Variants in MEI4 observed in about 807,000 individuals in gnomAD.
MEI4 encodes meiosis-specific protein MEI4.
In MEI4, 27 loss-of-function variants were observed where a neutral mutation model predicts 31.4. The observed-to-expected ratio is 0.86, with a 90% CI of 0.63 to 1.19. MEI4 has a LOEUF of 1.19. MEI4 is among the 50% of genes most tolerant of loss of function. The pLI is 0.00. For synonymous variants in MEI4, 122 were observed against 145.4 expected (o/e 0.84, Z 1.16); for missense variants, 329 against 398.9 (o/e 0.82, Z 1.49).
Position 77,924,085 on chromosome 6 carries a change from A to G in MEI4, c.*739A>G, listed in dbSNP as rs1286901076. On this transcript the variant is annotated 3_prime_UTR_variant, in exon 5 of 5. Coordinates refer to ENST00000684080, the MANE Select transcript of MEI4 (RefSeq NM_001322247.2). ...CACTAGACATATTTTATAAATTCTA[A>G]TATCCATCTAAAAGTGAAATTTATA... 6.6e-6 allele frequency: 1 copy of G among 151,804 alleles called. No individual in the cohort carries two copies. Among genetic ancestry groups the G allele is most frequent in the Non-Finnish European group, 1.5e-5 (1 of 67,846 alleles). The allele number at this position is 151,804 out of a possible 1,614,324, so 9.4% of individuals were successfully genotyped here.
chr6:77,879,004 AT>A (rs1336528268), intron 4 of MEI4, among the ~76,000 whole-genome samples: 3 of 152,044 alleles, frequency 2.0e-5, no homozygotes, highest in Non-Finnish European at 1.5e-5. Flanking sequence ...TCAGAATCCA[AT>A]TTTTTTCAAT....
chr6:77,797,805 G>T (rs1769121650), intron 3 of MEI4, among the ~76,000 whole-genome samples: 1 of 151,992 alleles, frequency 6.6e-6, no homozygotes, highest in South Asian at 2.1e-4. Flanking sequence ...GTTGAGGGTG[G>T]GTCTTCATCT....
chr6:77,908,044 A>G (rs1258083823), intron 4 of MEI4, among the ~76,000 whole-genome samples: 2 of 147,604 alleles, frequency 1.4e-5, no homozygotes, highest in Non-Finnish European at 3.0e-5. Context: ...GATTCTGGAT[A>G]TTAGCCCTTT....
intron 2 of MEI4, among the ~76,000 whole-genome samples, chr6:77,760,394 A>T (rs1216303846): frequency 1.3e-5 from 2 of 151,994 alleles, no homozygotes; most frequent in African/African-American, 4.8e-5. Context: ...ACTTTACAGG[A>T]TGAATTGTAA....
intron 1 of MEI4, among the ~76,000 whole-genome samples, chr6:77,690,376 A>G (rs11969443): frequency 0.15 from 22,923 of 151,990 alleles, 1,850 homozygotes; most frequent in East Asian, 0.27. Flanking sequence ...GTTAGAAACA[A>G]CTAAATGAAT....
chr6:77,736,341 G>A (rs187125942), intron 2 of MEI4, among the ~76,000 whole-genome samples: 67 of 152,008 alleles, frequency 4.4e-4, no homozygotes, highest in East Asian at 9.7e-4. Context: ...CTCCTGGTGC[G>A]CCGTTTTTAA....
At chr6:77,694,015 C>A (rs563834982) in intron 2 of MEI4, among the ~76,000 whole-genome samples, 121 of 151,680 alleles carry the variant, frequency 8.0e-4, no homozygotes, top group African/African-American at 2.8e-3. Context: ...AACTGAGCAA[C>A]CCAAAATTAA....
intron 3 of MEI4, among the ~76,000 whole-genome samples, chr6:77,811,742 T>A (rs1158382769): frequency 1.3e-5 from 2 of 148,840 alleles, no homozygotes; most frequent in Non-Finnish European, 3.0e-5. Context: ...ACCACTGTAC[T>A]CCAGACTGGC....
chr6:77,762,790 T>C (rs998303990), intron 3 of MEI4, among the ~76,000 whole-genome samples: 15 of 152,228 alleles, frequency 9.9e-5, no homozygotes, highest in African/African-American at 2.2e-4. Flanking sequence ...GTGAAAGATA[T>C]TGAATTTTCT....
intron 3 of MEI4, among the ~76,000 whole-genome samples, chr6:77,780,775 T>G (rs1320636688): frequency 6.6e-6 from 1 of 152,210 alleles, no homozygotes; most frequent in South Asian, 2.1e-4. Flanking sequence ...AATATTGTCT[T>G]ATTGAATTGA....
intron 4 of MEI4, among the ~76,000 whole-genome samples, chr6:77,897,033 A>C (rs1766096430): frequency 2.0e-5 from 3 of 152,036 alleles, no homozygotes; most frequent in African/African-American, 7.2e-5. Context: ...TTCTCCCAGC[A>C]TCCCAATAGA....
At chr6:77,898,475 AT>A (rs1469744522) in intron 4 of MEI4, among the ~76,000 whole-genome samples, 7 of 151,986 alleles carry the variant, frequency 4.6e-5, no homozygotes, top group Non-Finnish European at 8.8e-5. Flanking sequence ...TTCAGTGAAC[AT>A]TTAGTTTAAC....
chr6:77,889,858 G>T (rs1016802429), intron 4 of MEI4, among the ~76,000 whole-genome samples: 19 of 152,244 alleles, frequency 1.2e-4, no homozygotes, highest in Non-Finnish European at 2.8e-4. Context: ...CCAAGGTACA[G>T]CTCAGGCCAT....
chr6:77,842,526 A>G (rs993907599), intron 4 of MEI4, among the ~76,000 whole-genome samples: 11 of 152,150 alleles, frequency 7.2e-5, no homozygotes, highest in African/African-American at 2.7e-4. Flanking sequence ...GAAGAAAATA[A>G]TGAATATAAG....
At chr6:77,836,420 G>T (rs1770220163) in intron 4 of MEI4, among the ~76,000 whole-genome samples, 1 of 152,022 alleles carries the variant, frequency 6.6e-6, no homozygotes. Context: ...CATTAAAATA[G>T]ATTTTAAAAT....
Position 77,688,792 on chromosome 6 carries a change from T to C in MEI4, c.-14-1866T>C, listed in dbSNP as rs9448147. 8.0e-3 allele frequency among the ~76,000 whole-genome samples: 1,224 copies of C among 152,178 alleles called. 14 individuals are homozygous for C. Among genetic ancestry groups the C allele is most frequent in the African/African-American group, 0.027 (1,109 of 41,540 alleles). ...ATTATGTATTAGCAAACTTACTTCT[T>C]GAAGGAGGGTCTCAAAAACCATATG... On this transcript the variant is annotated intron_variant, in intron 1 of 4. Transcript: ENST00000684080.
intron 1 of MEI4, among the ~76,000 whole-genome samples, chr6:77,654,030 A>G (rs936723043): frequency 6.6e-6 from 1 of 152,230 alleles, no homozygotes; most frequent in Non-Finnish European, 1.5e-5. Flanking sequence ...TGCAGGCCAT[A>G]CTGTTTCTGT....
chr6:77,875,081 T>G (rs1771300611), intron 4 of MEI4, among the ~76,000 whole-genome samples: 1 of 152,044 alleles, frequency 6.6e-6, no homozygotes, highest in Non-Finnish European at 1.5e-5. Flanking sequence ...TCTACCTGGA[T>G]TGCTCTTCCT....
upstream of MEI4, among the ~76,000 whole-genome samples, chr6:77,652,340 C>T (rs1421671380): frequency 2.6e-5 from 4 of 152,134 alleles, no homozygotes; most frequent in Non-Finnish European, 4.4e-5. Flanking sequence ...GAGGAGTGCT[C>T]GTCAGGGTCA....
Sources: allele counts gnomAD v4.1 joint callset (sites outside exome capture counted in the v4.1 genomes callset), GRCh38; gene constraint gnomAD v4.1.1; transcripts MANE v1.5; gene names NCBI Gene and HGNC (gene_info 2026-07-23, HGNC 2026-07-21).